ZNF670: variants seen among roughly 807,000 people sequenced by gnomAD.
The protein encoded by ZNF670 is zinc finger protein 670.
Under a neutral mutation model 10.9 loss-of-function variants are expected in ZNF670, and 7 were observed. The ratio of observed to expected loss-of-function variants is 0.64; its 90% CI spans 0.36 to 1.20. ZNF670 has a LOEUF of 1.20. Ranked by LOEUF, ZNF670 falls within the 50% of genes most tolerant of loss-of-function variation. The probability of loss-of-function intolerance (pLI) is 0.02; values close to 1 mark genes in which losing one functional copy is unlikely to be tolerated. For synonymous variants in ZNF670, 136 were observed against 152.7 expected, an observed-to-expected ratio of 0.89 and a Z score of 0.81; for missense variants, 446 against 458.6, an observed-to-expected ratio of 0.97 and a Z score of 0.25.
Position 247,078,673 on chromosome 1 carries a change from GC to G in ZNF670, c.-78del, listed in dbSNP as rs1395339792. 6.5e-7 allele frequency: 1 copy of G among 1,549,452 alleles called. No homozygotes were observed. The highest frequency in any genetic ancestry group is 8.9e-7 in the Non-Finnish European group (1 of 1,126,314). ...AGGTCCCAGAGCAACAGAAGCTGCC[GC>G]GGGACCACTTGGACCTCCCAGGGAT... On this transcript the variant is annotated 5_prime_UTR_variant, in exon 1 of 4. An upstream open reading frame in the 5' UTR loses its in-frame stop. Coordinates refer to ENST00000366503, the MANE Select transcript of ZNF670 (RefSeq NM_033213.5).
chr1:247,044,938 T>C (rs1183048951), intron 1 of ZNF670, among the ~76,000 whole-genome samples: 1 of 151,734 alleles, frequency 6.6e-6, no homozygotes, highest in Non-Finnish European at 1.5e-5. Context: ...TCTGCATATG[T>C]ACCCCCCAGA....
Position 247,037,943 on chromosome 1 carries a change from C to A in ZNF670, c.676G>T (p.Ala226Ser), listed in dbSNP as rs1335273929. ...ERTHTGEKPY[A>S]CKKCGKSFTF... ...AATGATTTACCACATTTCTTACATG[C>A]ATAGGGTTTCTCTCCAGTATGAGTT... The change falls in exon 4 of 4, where the codon GCA (alanine) becomes TCA (serine). Residue 226 changes from alanine to serine, a missense_variant. Physicochemically the swap from Ala to Ser is moderately conservative, Grantham distance 99. Transcript: ENST00000366503. 6.2e-7 allele frequency: 1 copy of A among 1,613,826 alleles called. No homozygotes were observed. Among genetic ancestry groups the A allele is most frequent in the Admixed American group, 1.7e-5 (1 of 59,976 alleles).
At chr1:247,044,287 C>T (rs920459099) in intron 1 of ZNF670, among the ~76,000 whole-genome samples, 3 of 151,862 alleles carry the variant, frequency 2.0e-5, no homozygotes, top group Non-Finnish European at 4.4e-5. Flanking sequence ...AACATTCAGG[C>T]TATTATTAGA....
At chr1:247,060,741 C>T (rs6664217) in intron 1 of ZNF670, among the ~76,000 whole-genome samples, 49,749 of 151,994 alleles carry the variant, frequency 0.33, 8,975 homozygotes, top group African/African-American at 0.46. Flanking sequence ...AAATTACACA[C>T]AGAATAAAAT....
intron 1 of ZNF670, among the ~76,000 whole-genome samples, chr1:247,046,168 C>A (rs1373563054): frequency 6.6e-6 from 1 of 152,024 alleles, no homozygotes; most frequent in Non-Finnish European, 1.5e-5. Flanking sequence ...GCAACCTGGC[C>A]CTGTGGTAAA....
chr1:247,047,528 T>C (rs1368087625), intron 1 of ZNF670, among the ~76,000 whole-genome samples: 1 of 152,068 alleles, frequency 6.6e-6, no homozygotes, highest in Non-Finnish European at 1.5e-5. Context: ...TCTGAAATTG[T>C]GGCAGAGGTT....
In ZNF670 at chr1:247,038,194, T is replaced by C. The variant is rs557443546; in HGVS notation, c.425A>G (p.His142Arg). Residue 142 changes from histidine to arginine, a missense_variant, in exon 4 of 4, where the codon CAT becomes CGT. Physicochemically the swap from His to Arg is conservative, Grantham distance 29. Coordinates refer to ENST00000366503, the MANE Select transcript of ZNF670 (RefSeq NM_033213.5). ...ECEECPEKLY[H>R]CKQCGKAFIS... ...AAAGGCTTTCCCACATTGTTTGCAA[T>C]GATATAACTTCTCTGGACATTCCTC... is the stretch of plus-strand genomic sequence containing the variant. 6.2e-7 allele frequency: 1 copy of C among 1,614,182 alleles called. No individual in the cohort carries two copies. Among genetic ancestry groups the C allele is most frequent in the East Asian group, 2.2e-5 (1 of 44,876 alleles).
In ZNF670 at chr1:247,068,319, C is replaced by CAAAAAAAAAAAAAAAAAA. The variant is rs74163724; in HGVS notation, c.3+10257_3+10274dup. On this transcript the variant is annotated intron_variant, in intron 1 of 3. Transcript: ENST00000366503. ...AGGTGACAGAGTAAGATTCTGTCTC[C>CAAAAAAAAAAAAAAAAAA]AAAAAAAAAAAAAAAAAAGATGGGC... Among the ~76,000 whole-genome samples the CAAAAAAAAAAAAAAAAAA allele has an allele frequency of 7.4e-3, 409 of 55,126 alleles. 21 individuals are homozygous for CAAAAAAAAAAAAAAAAAA. The highest frequency in any genetic ancestry group is 9.9e-3 in the Non-Finnish European group (318 of 32,016). 36.2% of individuals were successfully genotyped at this position (55,126 alleles called of 152,430 possible).
chr1:247,049,990 C>T (rs7546342), intron 1 of ZNF670, among the ~76,000 whole-genome samples: 53,837 of 152,082 alleles, frequency 0.35, 10,985 homozygotes, highest in African/African-American at 0.55. Flanking sequence ...GAACAGAATG[C>T]ATACACTGCA....
intron 1 of ZNF670, among the ~76,000 whole-genome samples, chr1:247,045,417 T>C (rs1189775215): frequency 1.3e-5 from 2 of 152,090 alleles, no homozygotes; most frequent in Non-Finnish European, 2.9e-5. Flanking sequence ...AGTAATGAGT[T>C]CTCTGTTGGT....
intron 1 of ZNF670, chr1:247,043,188 C>A: frequency 1.3e-6 from 1 of 748,104 alleles, no homozygotes; most frequent in East Asian, 3.1e-5. Flanking sequence ...GTGCTGGACC[C>A]TCATGACAAG....
intron 1 of ZNF670, among the ~76,000 whole-genome samples, chr1:247,063,839 G>A (rs1670921926): frequency 6.6e-6 from 1 of 152,198 alleles, no homozygotes; most frequent in African/African-American, 2.4e-5. Context: ...CACAATCTGA[G>A]GGAGACATGG....
chr1:247,077,354 C>T (rs545810220), intron 1 of ZNF670, among the ~76,000 whole-genome samples: 5 of 152,296 alleles, frequency 3.3e-5, no homozygotes, highest in Non-Finnish European at 5.9e-5. Flanking sequence ...TCCAAGAGAT[C>T]TGGCTGCTAA....
At position 247,070,053 on chromosome 1, in the gene ZNF670, A is replaced by G. The variant is rs539074761; in HGVS notation, c.3+8541T>C. Among the ~76,000 whole-genome samples, 237 of 152,356 alleles carry G rather than the reference A, an allele frequency of 1.6e-3. 1 individual carries two copies. Among genetic ancestry groups the G allele is most frequent in the African/African-American group, 5.5e-3 (227 of 41,592 alleles). On this transcript the variant is annotated intron_variant, in intron 1 of 3. Coordinates refer to ENST00000366503, the MANE Select transcript of ZNF670 (RefSeq NM_033213.5). ...TGAGGGGATGGACACCCCATTCTCC[A>G]TGATGTAATTATTACAAATTGCATC...
At position 247,045,587 on chromosome 1, in the gene ZNF670, C is replaced by T. The variant is rs1298464564; in HGVS notation, c.4-6050G>A. Among the ~76,000 whole-genome samples the T allele has an allele frequency of 5.3e-5, 8 of 152,242 alleles. No individual in the cohort carries two copies. In the East Asian group the frequency reaches 1.5e-3, roughly 29 times the overall value. On this transcript the variant is annotated intron_variant, in intron 1 of 3. Coordinates refer to ENST00000366503, the MANE Select transcript of ZNF670 (RefSeq NM_033213.5). Reference sequence around the variant, plus strand: ...GCCATGCTTGTACAGCCTGCAGAACCGTGAGTCAAATAAACCTACTTTCTT... The same window carrying T: ...GCCATGCTTGTACAGCCTGCAGAACTGTGAGTCAAATAAACCTACTTTCTT...
At chr1:247,042,934 A>G (rs1463267152) in intron 1 of ZNF670, 2 of 686,884 alleles carry the variant, frequency 2.9e-6, no homozygotes, top group African/African-American at 3.5e-5. Context: ...TTTCATTCAC[A>G]TTGAAAGATG....
rs941338081 is a variant in ZNF670, at chr1:247,078,705, G to A, written c.-109C>T. Reference sequence around the variant, plus strand: ...CACTTGGACCTCCCAGGGATAAGGGGAAGGAGCAGCGGAGACGCACCGAGC... The same window carrying A: ...CACTTGGACCTCCCAGGGATAAGGGAAAGGAGCAGCGGAGACGCACCGAGC... On this transcript the variant is annotated 5_prime_UTR_variant, in exon 1 of 4. Coordinates refer to ENST00000366503, the MANE Select transcript of ZNF670 (RefSeq NM_033213.5). 16 of 1,277,954 alleles carry A rather than the reference G, an allele frequency of 1.3e-5. No individual in the cohort carries two copies. Among genetic ancestry groups the A allele is most frequent in the East Asian group, 2.4e-5 (1 of 41,528 alleles). The allele number at this position is 1,277,954 out of a possible 1,614,324, so 79.2% of individuals were successfully genotyped here. A position where few individuals can be genotyped will look rare whatever the true frequency, so the allele number is the denominator to read the frequency against.
chr1:247,078,578 T>A lies in ZNF670; in HGVS notation c.3+16A>T. 2.5e-6 allele frequency: 4 copies of A among 1,613,644 alleles called. No homozygotes were observed. The highest frequency in any genetic ancestry group is 3.4e-6 in the Non-Finnish European group (4 of 1,179,804). On this transcript the variant is annotated intron_variant, in intron 1 of 3. Coordinates refer to ENST00000366503, the MANE Select transcript of ZNF670 (RefSeq NM_033213.5). ...TCCCTTTTCCCCTTCCCGAGACACC[T>A]GGCCGGCACACTCACCATTTCCCAG...
intron 1 of ZNF670, among the ~76,000 whole-genome samples, chr1:247,067,820 C>T (rs1380813703): frequency 1.8e-5 from 2 of 110,976 alleles, no homozygotes; most frequent in Admixed American, 1.4e-4. Flanking sequence ...CCAGCCTGGG[C>T]GACAGAGCGA....
Sources: allele counts gnomAD v4.1 joint callset (sites outside exome capture counted in the v4.1 genomes callset), GRCh38; gene constraint gnomAD v4.1.1; transcripts MANE v1.5; gene names NCBI Gene and HGNC (gene_info 2026-07-23, HGNC 2026-07-21).